Variants in MYO18B observed in about 807,000 individuals in gnomAD.
The protein encoded by MYO18B is unconventional myosin-XVIIIb.
A neutral mutation model predicts 273.0 loss-of-function variants in MYO18B; 204 were observed. That is an observed-to-expected ratio of 0.75 (90% CI 0.67 to 0.84). The LOEUF (loss-of-function observed/expected upper bound fraction) is 0.84. Ranked by LOEUF, MYO18B falls within the 40% of genes least tolerant of loss-of-function variation. The pLI is 0.00. For synonymous variants in MYO18B, 1,330 were observed against 1,305.7 expected (o/e 1.02, Z -0.40); for missense variants, 3,212 against 3,287.6 (o/e 0.98, Z 0.56).
At position 25,890,856 on chromosome 22, in the gene MYO18B, G is replaced by C; in HGVS notation, c.4415G>C (p.Arg1472Pro). Residue 1472 changes from arginine to proline, a missense_variant, in exon 26 of 44, where the codon CGG (arginine) becomes CCG (proline). Physicochemically the swap from Arg to Pro is moderately radical, Grantham distance 103. Coordinates refer to ENST00000335473, the MANE Select transcript of MYO18B (RefSeq NM_032608.7). ...SERAERLQAFREVQELKSKHE... is the reference protein window; with the variant it reads ...SERAERLQAFPEVQELKSKHE... ...CGGGCAGAGCGGCTACAGGCCTTCC[G>C]GGAGGTCCAGGAGCTCAAGGTGAGT... 6.2e-7 allele frequency: 1 copy of C among 1,613,788 alleles called. No homozygotes were observed. Among genetic ancestry groups the C allele is most frequent in the South Asian group, 1.1e-5 (1 of 91,048 alleles).
intron 40 of MYO18B, among the ~76,000 whole-genome samples, chr22:26,000,843 G>A (rs754026671): frequency 6.6e-6 from 1 of 152,206 alleles, no homozygotes; most frequent in East Asian, 1.9e-4. Flanking sequence ...AGACCAGCTG[G>A]TGGGTCTTGA....
At chr22:25,890,043 G>A (rs1450023398) in intron 25 of MYO18B, among the ~76,000 whole-genome samples, 1 of 152,114 alleles carries the variant, frequency 6.6e-6, no homozygotes, top group Admixed American at 6.5e-5. Context: ...ACACCTATTT[G>A]GCAGCATTTT....
intron 12 of MYO18B, among the ~76,000 whole-genome samples, chr22:25,821,811 A>G (rs2089292592): frequency 6.6e-6 from 1 of 152,178 alleles, no homozygotes; most frequent in Non-Finnish European, 1.5e-5. Context: ...AAACAAAAAA[A>G]AGAAGTCATT....
chr22:26,025,858 C>T (rs755831368), intron 42 of MYO18B, among the ~76,000 whole-genome samples: 2 of 152,162 alleles, frequency 1.3e-5, no homozygotes, highest in South Asian at 2.1e-4. Flanking sequence ...GAATAGAAAC[C>T]GTCTGTCCTC....
intron 39 of MYO18B, among the ~76,000 whole-genome samples, chr22:25,968,314 C>T (rs2093000546): frequency 1.3e-5 from 2 of 152,164 alleles, no homozygotes; most frequent in Non-Finnish European, 2.9e-5. Context: ...CAGCTCCACC[C>T]TAGCCATATG....
intron 36 of MYO18B, among the ~76,000 whole-genome samples, chr22:25,948,044 A>T (rs2092735221): frequency 6.6e-6 from 1 of 152,196 alleles, no homozygotes; most frequent in Admixed American, 6.5e-5. Flanking sequence ...CGTGTCCACC[A>T]TGAAAGATTT....
At position 26,024,965 on chromosome 22, in the gene MYO18B, A is replaced by G. The variant is rs755955890; in HGVS notation, c.6471-1480A>G. Among the ~76,000 whole-genome samples the G allele has an allele frequency of 5.3e-5, 8 of 152,256 alleles. No homozygotes were observed. In the South Asian group the frequency reaches 8.3e-4, roughly 16 times the overall value. On this transcript the variant is annotated intron_variant, in intron 42 of 43. Coordinates refer to ENST00000335473, the MANE Select transcript of MYO18B (RefSeq NM_032608.7). ...TGTCTGATTCATAGATTGCCATCTC[A>G]CTGTGTCATCACACAGTGGAAGGGG...
At chr22:25,929,763 T>C (rs901366902) in intron 34 of MYO18B, among the ~76,000 whole-genome samples, 1 of 152,140 alleles carries the variant, frequency 6.6e-6, no homozygotes, top group African/African-American at 2.4e-5. Context: ...CCCCCGTCTC[T>C]CTCTGCTTGT....
chr22:25,996,730 C>T (rs577412098), intron 40 of MYO18B, among the ~76,000 whole-genome samples: 7 of 152,122 alleles, frequency 4.6e-5, no homozygotes, highest in Admixed American at 1.3e-4. Flanking sequence ...AATTAAGACC[C>T]GAATGAAATG....
intron 19 of MYO18B, 106 bp downstream of exon 19, chr22:25,846,389 GC>G: frequency 1.6e-6 from 2 of 1,263,412 alleles, no homozygotes; most frequent in Non-Finnish European, 2.2e-6. Context: ...CCCCAGCAAG[GC>G]CAGAGGGGCG....
At chr22:26,045,556 T>C in the MYO18B span, among the ~76,000 whole-genome samples, 1 of 152,084 alleles carries the variant, frequency 6.6e-6, no homozygotes, top group African/African-American at 2.4e-5. Flanking sequence ...CTTTCCTATA[T>C]AGGAATCAAG....
chr22:25,817,547 G>T (rs2089089629), intron 12 of MYO18B, among the ~76,000 whole-genome samples: 1 of 151,338 alleles, frequency 6.6e-6, no homozygotes, highest in Non-Finnish European at 1.5e-5. Context: ...CTTACCAAAG[G>T]AGTGACCTGA....
chr22:25,825,871 G>A (rs2089471129), intron 13 of MYO18B, among the ~76,000 whole-genome samples: 1 of 152,078 alleles, frequency 6.6e-6, no homozygotes, highest in Non-Finnish European at 1.5e-5. Context: ...ACATTTTATG[G>A]CTTCTAATAC....
chr22:25,802,772 A>C (rs1375074889), intron 12 of MYO18B, among the ~76,000 whole-genome samples: 16 of 150,946 alleles, frequency 1.1e-4, no homozygotes, highest in African/African-American at 3.7e-4. Flanking sequence ...AAAAAAAAAA[A>C]AAAACCCCTA....
intron 28 of MYO18B, chr22:25,895,497 C>T (rs745416097): frequency 4.0e-6 from 2 of 499,874 alleles, no homozygotes; most frequent in Non-Finnish European, 7.1e-6. Flanking sequence ...CCAGAGACTG[C>T]TCTGTGGTGT....
intron 34 of MYO18B, among the ~76,000 whole-genome samples, chr22:25,924,096 C>T (rs2092387164): frequency 6.6e-6 from 1 of 152,176 alleles, no homozygotes; most frequent in Non-Finnish European, 1.5e-5. Flanking sequence ...AGGATGGGAT[C>T]GCGTGGACCA....
In MYO18B at chr22:25,883,313, C is replaced by T. The variant is rs1283128253; in HGVS notation, c.4314+5265C>T. On this transcript the variant is annotated intron_variant, in intron 25 of 43. Transcript: ENST00000335473. The surrounding 1 kb of genome is among the most constrained non-coding windows in gnomAD (Gnocchi z 7.6). ...CTTGGTATGGGGGGTAGGGAGCCCTCCAGCCCCTAGGCAATCCTGATTCAG... is the reference window on the plus strand; with the variant it reads ...CTTGGTATGGGGGGTAGGGAGCCCTTCAGCCCCTAGGCAATCCTGATTCAG... 3 of 152,272 alleles carry T rather than the reference C, an allele frequency of 2.0e-5. No homozygotes were observed. Among genetic ancestry groups the T allele is most frequent in the Non-Finnish European group, 4.4e-5 (3 of 68,094 alleles). 9.4% of individuals were successfully genotyped at this position (152,272 alleles called of 1,614,324 possible).
chr22:25,969,002 T>C (rs1250126174), intron 39 of MYO18B, among the ~76,000 whole-genome samples: 2 of 152,192 alleles, frequency 1.3e-5, no homozygotes, highest in African/African-American at 2.4e-5. Flanking sequence ...TGCCCAGGCC[T>C]CTTCATTCCA....
chr22:25,902,631 C>T lies in MYO18B; in HGVS notation c.4842C>T (p.Ala1614=), dbSNP rs769564153. Residue 1614 remains alanine, a synonymous_variant, in exon 30 of 44, where the codon GCC becomes GCT. Transcript: ENST00000335473. ...TGCACAGGTTTGACCTGCAGCTGGC[C>T]CAGGCCCTAGGTGAGTCAGTGTTTG... The part of the protein sequence containing the change: ...KKQKKFDLQL[A]QALGESVFEK... 6 of 1,606,944 alleles carry T rather than the reference C, an allele frequency of 3.7e-6. No individual in the cohort carries two copies. Among genetic ancestry groups the T allele is most frequent in the Non-Finnish European group, 5.1e-6 (6 of 1,176,764 alleles).
Sources: gnomAD v4.1 joint callset for allele counts (sites outside exome capture counted in the v4.1 genomes callset) on GRCh38, gnomAD v4.1.1 for gene constraint, Gnocchi (gnomAD v3.1) non-coding constraint, MANE v1.5 for transcripts, NCBI Gene and HGNC (gene_info 2026-07-23, HGNC 2026-07-21) for gene names.